The following NLRP3 variants were observed in gnomAD, a reference collection of about 807,000 sequenced individuals.
The protein encoded by NLRP3 is NACHT, LRR and PYD domains-containing protein 3.
Under a neutral mutation model 91.3 loss-of-function variants are expected in NLRP3, and 48 were observed. That is an observed-to-expected ratio of 0.53 (90% confidence interval 0.42 to 0.67). The LOEUF (loss-of-function observed/expected upper bound fraction) is 0.67. Among genes scored for constraint, NLRP3 ranks in the 30% least tolerant of loss-of-function variants. The probability of loss-of-function intolerance (pLI) is 0.00; values close to 1 mark genes in which losing one functional copy is unlikely to be tolerated. For synonymous variants in NLRP3, 561 were observed against 507.9 expected, an observed-to-expected ratio of 1.10 and a Z score of -1.41; for missense variants, 982 against 1,276.9, an observed-to-expected ratio of 0.77 and a Z score of 3.52.
At chr1:247,438,153 C>A (rs894524019) in intron 7 of NLRP3, among the ~76,000 whole-genome samples, 2 of 152,198 alleles carry the variant, frequency 1.3e-5, no homozygotes, top group African/African-American at 4.8e-5. Context: ...ACTGAGGCAT[C>A]AGCAGGCTGG....
chr1:247,427,595 A>C (rs36112685), intron 4 of NLRP3, among the ~76,000 whole-genome samples: 80 of 141,530 alleles, frequency 5.7e-4, no homozygotes, highest in Middle Eastern at 3.9e-3. Flanking sequence ...CACCTGCCTT[A>C]CTCTGAGGAC....
In NLRP3 at chr1:247,444,078, G is replaced by C; in HGVS notation, c.2770G>C (p.Asp924His). The change falls in exon 8 of 10, where the codon GAC (aspartate) becomes CAC (histidine). Residue 924 changes from aspartate to histidine, a missense_variant. Asp to His is a moderately conservative substitution (Grantham distance 81). Transcript: ENST00000336119. ...HLYLRGNTLGDKGIKLLCEGL... is the reference protein window; with the variant it reads ...HLYLRGNTLGHKGIKLLCEGL... ...TTACCTGCGAGGCAACACTCTCGGA[G>C]ACAAGGGGATCAAACTACTCTGTGA... The C allele has an allele frequency of 1.2e-6, 2 of 1,614,198 alleles. No homozygotes were observed. The highest frequency in any genetic ancestry group is 1.7e-6 in the Non-Finnish European group (2 of 1,180,040).
chr1:247,424,894 T>C lies in NLRP3; in HGVS notation c.1445T>C (p.Phe482Ser). The change falls in exon 4 of 10, where the codon TTT (phenylalanine) becomes TCT (serine). Residue 482 changes from phenylalanine (F) to serine (S), a missense_variant. Transcript: ENST00000336119. The surrounding 1 kb of genome is among the most constrained non-coding windows in gnomAD (Gnocchi z 8.1). Reference protein sequence around the residue: ...ADGIWNQKILFEESDLRNHGL... With the variant: ...ADGIWNQKILSEESDLRNHGL... ...GGAATCTGGAACCAGAAAATCCTGT[T>C]TGAGGAGTCCGACCTCAGGAATCAT... The C allele has an allele frequency of 6.2e-7, 1 of 1,610,776 alleles. No homozygotes were observed. Among genetic ancestry groups the C allele is most frequent in the Non-Finnish European group, 8.5e-7 (1 of 1,180,026 alleles).
At chr1:247,421,816 T>G (rs748817831) in intron 2 of NLRP3, among the ~76,000 whole-genome samples, 11 of 152,122 alleles carry the variant, frequency 7.2e-5, no homozygotes, top group Non-Finnish European at 1.5e-4. Flanking sequence ...GTTTGTTTCC[T>G]GGGGTGGGGT....
intron 2 of NLRP3, among the ~76,000 whole-genome samples, chr1:247,422,848 G>A (rs1025640289): frequency 1.4e-4 from 21 of 152,336 alleles, no homozygotes; most frequent in Non-Finnish European, 2.4e-4. Flanking sequence ...GCCCACAGCC[G>A]TGTTGGGGAT....
At chr1:247,420,483 G>A (rs1572157362) in intron 2 of NLRP3, among the ~76,000 whole-genome samples, 1 of 151,944 alleles carries the variant, frequency 6.6e-6, no homozygotes, top group African/African-American at 2.4e-5. Context: ...TGAGGCTGAG[G>A]TGGGTGGATC....
chr1:247,429,168 C>T (rs12125234), intron 4 of NLRP3, among the ~76,000 whole-genome samples: 1 of 152,136 alleles, frequency 6.6e-6, no homozygotes, highest in African/African-American at 2.4e-5. Context: ...GCTGGGATTA[C>T]AGGTGTGAGC....
intron 7 of NLRP3, among the ~76,000 whole-genome samples, chr1:247,442,562 A>G (rs1421108131): frequency 1.3e-5 from 2 of 152,190 alleles, no homozygotes; most frequent in Non-Finnish European, 2.9e-5. Context: ...TTTGCTGTGC[A>G]GAAGGAAGAG....
At chr1:247,435,571 GGGA>G (rs1256273483) in intron 6 of NLRP3, among the ~76,000 whole-genome samples, 3 of 152,244 alleles carry the variant, frequency 2.0e-5, no homozygotes, top group Admixed American at 1.3e-4. Context: ...GGCGGAGAGT[GGGA>G]AGACATTGTT....
intron 7 of NLRP3, among the ~76,000 whole-genome samples, chr1:247,441,391 C>A (rs905206167): frequency 1.3e-5 from 2 of 151,980 alleles, no homozygotes; most frequent in African/African-American, 4.8e-5. Context: ...CAGGTGTGTA[C>A]TACCATGCCT....
At chr1:247,428,713 G>A (rs115274623) in intron 4 of NLRP3, among the ~76,000 whole-genome samples, 5,298 of 152,036 alleles carry the variant, frequency 0.035, 133 homozygotes, top group Non-Finnish European at 0.053. Flanking sequence ...TCAGCTACTC[G>A]GGAGGCTGAG....
At chr1:247,439,477 C>T (rs2103198610) in intron 7 of NLRP3, among the ~76,000 whole-genome samples, 1 of 152,324 alleles carries the variant, frequency 6.6e-6, no homozygotes, top group East Asian at 1.9e-4. Context: ...TTGCCTTTAT[C>T]TCTACGTGGT....
rs200790821 is a variant in NLRP3 at position 247,425,619 on chromosome 1, A to C, written c.2150+20A>C. ...TCATGGGTAAGGAAACTCGGCTTCC[A>C]GGTGCTTCCTCCTGCTTCCTCGCCA... On this transcript the variant is annotated intron_variant, in intron 4 of 9. Coordinates refer to ENST00000336119, the MANE Select transcript of NLRP3 (RefSeq NM_001243133.2). This position sits in a 1 kb window ranked among gnomAD's most constrained non-coding sequence, Gnocchi z 4.1. The C allele has an allele frequency of 6.2e-6, 10 of 1,600,574 alleles. No individual in the cohort carries two copies. Among genetic ancestry groups the C allele is most frequent in the Non-Finnish European group, 8.5e-6 (10 of 1,179,430 alleles).
At chr1:247,434,800 G>A (rs1663665203) in intron 6 of NLRP3, among the ~76,000 whole-genome samples, 2 of 152,176 alleles carry the variant, frequency 1.3e-5, no homozygotes, top group Admixed American at 1.3e-4. Context: ...ACAAGTATTG[G>A]TGTGGGTGCG....
chr1:247,417,856 C>T (rs908762574), intron 1 of NLRP3, among the ~76,000 whole-genome samples, 197 bp from the exon 2 acceptor site: 1 of 152,164 alleles, frequency 6.6e-6, no homozygotes, highest in Non-Finnish European at 1.5e-5. Flanking sequence ...AGACTGTCCC[C>T]TCCTCTGCAA....
intron 9 of NLRP3, among the ~76,000 whole-genome samples, 184 bp from the exon 10 acceptor site, chr1:247,448,221 C>T (rs1285569679): frequency 6.9e-6 from 1 of 144,454 alleles, no homozygotes; most frequent in Non-Finnish European, 1.5e-5. Context: ...GTCTCGGCGG[C>T]GGCGACGGCG....
intron 1 of NLRP3, among the ~76,000 whole-genome samples, chr1:247,417,405 A>G (rs1292504762): frequency 6.6e-6 from 1 of 152,222 alleles, no homozygotes; most frequent in Non-Finnish European, 1.5e-5. Context: ...CTCTAAATTA[A>G]TGTGAATTAT....
intron 7 of NLRP3, among the ~76,000 whole-genome samples, chr1:247,437,444 A>G (rs1395059550): frequency 1.3e-5 from 2 of 152,154 alleles, no homozygotes; most frequent in African/African-American, 2.4e-5. Flanking sequence ...CCATCAGCCA[A>G]TCCTCAGATG....
In NLRP3 at chr1:247,425,379, G is replaced by A. The variant is rs778586761; in HGVS notation, c.1930G>A (p.Ala644Thr). ...GCAGGAGGAGGACTTCGTGCAAAGG[G>A]CCATGGACTATTTCCCCAAGATTGA... ...EMQEEDFVQR[A>T]MDYFPKIEIN... Residue 644 changes from alanine to threonine, a missense_variant, in exon 4 of 10, where the codon GCC (alanine) becomes ACC (threonine). By Grantham distance (58) the Ala-to-Thr change is moderately conservative (BLOSUM62 0). Transcript: ENST00000336119. The surrounding 1 kb of genome is among the most constrained non-coding windows in gnomAD (Gnocchi z 4.1). 2 of 1,614,200 alleles carry A rather than the reference G, an allele frequency of 1.2e-6. No homozygotes were observed. The highest frequency in any genetic ancestry group is 2.2e-5 in the East Asian group (1 of 44,890).
Sources: allele counts gnomAD v4.1 joint callset (sites outside exome capture counted in the v4.1 genomes callset), GRCh38; gene constraint gnomAD v4.1.1; non-coding constraint Gnocchi (gnomAD v3.1); transcripts MANE v1.5; gene names NCBI Gene and HGNC (gene_info 2026-07-23, HGNC 2026-07-21).